MYH11: variants seen among roughly 807,000 people sequenced by gnomAD.
MYH11 encodes myosin-11.
MYH11 carries 80 observed loss-of-function variants against 246.6 expected under a neutral mutation model. The ratio of observed to expected loss-of-function variants is 0.32; its 90% CI spans 0.27 to 0.39. The LOEUF is 0.39. MYH11 is among the 10% of genes least tolerant of loss of function. The pLI is 1.00. For synonymous variants in MYH11, 1,071 were observed against 1,015.5 expected, an observed-to-expected ratio of 1.05 and a Z score of -1.04; for missense variants, 2,158 against 2,546.8, an observed-to-expected ratio of 0.85 and a Z score of 3.29.
At chr16:15,770,487 T>C (rs17213271) in intron 9 of MYH11, among the ~76,000 whole-genome samples, 23,068 of 152,168 alleles carry the variant, frequency 0.15, 2,145 homozygotes, top group Middle Eastern at 0.2. Context: ...TTCTGAGCTG[T>C]CCTGTTCTCA....
At chr16:15,786,796 G>T in intron 4 of MYH11, 64 bp from the exon 5 acceptor site, 1 of 1,387,072 alleles carries the variant, frequency 7.2e-7, no homozygotes, top group Non-Finnish European at 1.0e-6. Flanking sequence ...AGTTCCATGA[G>T]CCAGGCAGGA....
chr16:15,778,089 G>T (rs907775350), intron 7 of MYH11, among the ~76,000 whole-genome samples: 6 of 152,118 alleles, frequency 3.9e-5, no homozygotes, highest in African/African-American at 4.8e-5. Flanking sequence ...AGGGCCGCCT[G>T]CAAAGCTCCT....
At chr16:15,817,278 G>A (rs1416305163) in intron 3 of MYH11, among the ~76,000 whole-genome samples, 2 of 152,106 alleles carry the variant, frequency 1.3e-5, no homozygotes, top group Non-Finnish European at 2.9e-5. Flanking sequence ...GATCACCTGA[G>A]GTCAGGAGTT....
rs138573101 is a variant in MYH11, at chr16:15,724,287, G to C, written c.4239C>G (p.Ala1413=). The change falls in exon 31 of 41, where the codon GCC becomes GCG. Residue 1413 remains alanine (A), a synonymous_variant. Transcript: ENST00000300036. ...NLTQQYEEKA[A]AYDKLEKTKN... ...TGGTCTTTTCCAGTTTATCATAAGC[G>C]GCCGCCTTCTCCTCGTACTGCTGGG... 6.2e-7 allele frequency: 1 copy of C among 1,614,030 alleles called. No homozygotes were observed. The highest frequency in any genetic ancestry group is 1.1e-5 in the South Asian group (1 of 91,088).
Position 15,724,901 on chromosome 16 carries a change from A to T in MYH11, c.3950T>A (p.Leu1317His). ...AKDVASLSSQ[L>H]QDTQELLQEE... is the part of the protein sequence containing the mutation. ...CAGGACACTCACCTGGGTGTCCTGG[A>T]GCTGGGAACTGAGGGACGCCACGTC... is the stretch of plus-strand genomic sequence containing the variant. Residue 1317 changes from leucine to histidine, a missense_variant, in exon 29 of 41, where the codon CTC becomes CAC. Leu to His is a moderately conservative substitution (Grantham distance 99, BLOSUM62 -3). Around this residue, in one of 11 missense-constraint regions of MYH11, gnomAD observed 1,013 missense variants for 993.5 expected, o/e 1.02. Coordinates refer to ENST00000300036, the MANE Select transcript of MYH11 (RefSeq NM_002474.3). 1 of 1,614,096 alleles carries T rather than the reference A, an allele frequency of 6.2e-7. No homozygotes were observed. The highest frequency in any genetic ancestry group is 1.7e-5 in the Admixed American group (1 of 60,004).
At chr16:15,749,068 A>C (rs2041496635) in intron 16 of MYH11, 1 of 151,710 alleles carries the variant, frequency 6.6e-6, no homozygotes, top group South Asian at 2.1e-4. Context: ...TTCAGCCTCA[A>C]TCCTACCTCA....
chr16:15,707,858 G>A (rs1473639887), intron 40 of MYH11, among the ~76,000 whole-genome samples: 1 of 151,264 alleles, frequency 6.6e-6, no homozygotes, highest in East Asian at 1.9e-4. Flanking sequence ...TGTAATCCCA[G>A]CTACTCAGAA....
At chr16:15,733,386 A>G (rs898697334) in intron 26 of MYH11, among the ~76,000 whole-genome samples, 2 of 152,218 alleles carry the variant, frequency 1.3e-5, no homozygotes, top group Middle Eastern at 3.4e-3. Context: ...GGTGCCCACC[A>G]CCACGCCCGG....
chr16:15,847,279 C>T (rs181671960), intron 1 of MYH11, among the ~76,000 whole-genome samples: 9 of 125,098 alleles, frequency 7.2e-5, no homozygotes, highest in Admixed American at 5.8e-4. Context: ...GAGACAGGGT[C>T]TTGCTCTGTC....
intron 5 of MYH11, among the ~76,000 whole-genome samples, chr16:15,783,895 G>A (rs755262611): frequency 1.8e-4 from 27 of 152,100 alleles, no homozygotes; most frequent in Non-Finnish European, 3.2e-4. Context: ...TTCTCCTTCT[G>A]ATCTGCAACA....
At chr16:15,769,733 T>C (rs973971464) in intron 9 of MYH11, among the ~76,000 whole-genome samples, 2 of 152,232 alleles carry the variant, frequency 1.3e-5, no homozygotes, top group African/African-American at 4.8e-5. Flanking sequence ...AGCAAAACAA[T>C]TTAAATGGTC....
At chr16:15,752,898 T>G (rs1227618679) in intron 15 of MYH11, among the ~76,000 whole-genome samples, 2 of 152,090 alleles carry the variant, frequency 1.3e-5, no homozygotes. Context: ...AAACAAAGCC[T>G]TCCAGGGGGT....
In MYH11 at chr16:15,745,252, A is replaced by G. The variant is rs373833673; in HGVS notation, c.2412-15T>C. ...TGGCAAAAGCCCTAGGGAGGGGGGAAGAGAAGGTGCGGGGGTCATGAAGCC... is the reference window on the plus strand; with the variant it reads ...TGGCAAAAGCCCTAGGGAGGGGGGAGGAGAAGGTGCGGGGGTCATGAAGCC... On this transcript the variant is annotated splice_polypyrimidine_tract_variant and intron_variant, in intron 19 of 40. Coordinates refer to ENST00000300036, the MANE Select transcript of MYH11 (RefSeq NM_002474.3). 6.9e-6 allele frequency: 11 copies of G among 1,589,142 alleles called. No homozygotes were observed. Among genetic ancestry groups the G allele is most frequent in the African/African-American group, 2.7e-5 (2 of 74,414 alleles).
chr16:15,836,337 T>TG (rs1478437577), intron 2 of MYH11, among the ~76,000 whole-genome samples: 7 of 152,192 alleles, frequency 4.6e-5, no homozygotes, highest in Non-Finnish European at 7.3e-5. Flanking sequence ...AGGTGGCTAT[T>TG]GACTACTTGA....
Position 15,741,582 on chromosome 16 carries a change from C to T in MYH11, c.2740G>A (p.Ala914Thr), listed in dbSNP as rs746982396. The change falls in exon 22 of 41, where the codon GCG becomes ACG. Residue 914 changes from alanine (A) to threonine (T), a missense_variant. Transcript: ENST00000300036. ...AEAEEMRVRL[A>T]AKKQELEEIL... is the part of the protein sequence containing the mutation. ...TCCTCCAGCTCCTGCTTCTTGGCCG[C>T]CAGCCGCACCCGCATCTCCTCAGCC... is the stretch of plus-strand genomic sequence containing the variant. 2 of 1,612,210 alleles carry T rather than the reference C, an allele frequency of 1.2e-6. No homozygotes were observed. Among genetic ancestry groups the T allele is most frequent in the South Asian group, 1.1e-5 (1 of 91,094 alleles).
intron 3 of MYH11, among the ~76,000 whole-genome samples, chr16:15,806,975 T>C (rs2043029248): frequency 6.6e-6 from 1 of 152,148 alleles, no homozygotes. Context: ...TTCTTTTCTT[T>C]TTTAAGAGAT....
At chr16:15,775,325 G>T (rs955190404) in intron 8 of MYH11, among the ~76,000 whole-genome samples, 1 of 152,316 alleles carries the variant, frequency 6.6e-6, no homozygotes, top group East Asian at 1.9e-4. Flanking sequence ...ACACAGTGAT[G>T]CATCTGCACT....
intron 11 of MYH11, among the ~76,000 whole-genome samples, chr16:15,760,304 G>A (rs1039496679): frequency 3.9e-5 from 6 of 152,024 alleles, no homozygotes; most frequent in African/African-American, 1.4e-4. Context: ...AGATGGATGA[G>A]TGAGGGATGG....
intron 3 of MYH11, among the ~76,000 whole-genome samples, chr16:15,819,493 T>TAGA (rs971331328): frequency 1.2e-4 from 19 of 152,136 alleles, no homozygotes; most frequent in Non-Finnish European, 4.4e-5. Context: ...TAGACTCTTA[T>TAGA]AGAACCACCA....
Sources: allele counts gnomAD v4.1 joint callset (sites outside exome capture counted in the v4.1 genomes callset), GRCh38; gene constraint gnomAD v4.1.1; regional missense constraint gnomAD v4.1.1; transcripts MANE v1.5; gene names NCBI Gene and HGNC (gene_info 2026-07-23, HGNC 2026-07-21).